The following ZNRF3 variants were observed in gnomAD, a reference collection of about 807,000 sequenced individuals.
ZNRF3 encodes the protein E3 ubiquitin-protein ligase ZNRF3.
Under a neutral mutation model 72.5 loss-of-function variants are expected in ZNRF3, and 23 were observed. The ratio of observed to expected loss-of-function variants is 0.32; its 90% confidence interval spans 0.23 to 0.45. The LOEUF (loss-of-function observed/expected upper bound fraction) is 0.45, where lower values mean the gene tolerates loss of function less well. Among genes scored for constraint, ZNRF3 ranks in the 20% least tolerant of loss-of-function variants. ZNRF3 has a pLI of 1.00. For missense variants in ZNRF3, 1,169 were observed against 1,272.1 expected, an observed-to-expected ratio of 0.92 and a Z score of 1.23; for synonymous variants, 610 against 545.3, an observed-to-expected ratio of 1.12 and a Z score of -1.65.
rs371728159 is a variant in ZNRF3, at chr22:29,043,421, C to A, written c.624C>A (p.Arg208=). 2.5e-6 allele frequency: 4 copies of A among 1,613,334 alleles called. No individual in the cohort carries two copies. In the African/African-American group the frequency reaches 5.3e-5, roughly 22 times the overall value. The change falls in exon 4 of 9, where the codon CGC becomes CGA. Residue 208 remains arginine, a synonymous_variant. Coordinates refer to ENST00000544604, the MANE Select transcript of ZNRF3 (RefSeq NM_001206998.2). The part of the protein sequence containing the change: ...QKVARARIQH[R]PPRQPTEYFD... The stretch of plus-strand genomic sequence containing the variant: ...TGGCTCGAGCAAGGATCCAGCACCG[C>A]CCTCCTCGAGTGAGCCTCCGCACCA...
At position 28,933,752 on chromosome 22, in the gene ZNRF3, A is replaced by ACTCT. The variant is rs372627987; in HGVS notation, c.300+49710_300+49713dup. On this transcript the variant is annotated intron_variant, in intron 1 of 8. Transcript: ENST00000544604. ...CCCCCACACACACACACACACACTC[A>ACTCT]CTCTCTCTCTCTCTCTCTCTCTCTC... Among the ~76,000 whole-genome samples, 64 of 40,856 alleles carry ACTCT rather than the reference A, an allele frequency of 1.6e-3. 2 individuals are homozygous for ACTCT. Among genetic ancestry groups the ACTCT allele is most frequent in the Middle Eastern group, 0.033 (2 of 60 alleles). The allele number at this position is 40,856 out of a possible 152,430, so 26.8% of individuals were successfully genotyped here.
In ZNRF3 at chr22:29,053,643, T is replaced by C. The variant is rs772178000; in HGVS notation, c.*21T>C. 13 of 1,611,010 alleles carry C rather than the reference T, an allele frequency of 8.1e-6. No individual in the cohort carries two copies. The highest frequency in any genetic ancestry group is 1.1e-5 in the Non-Finnish European group (13 of 1,178,482). ...CCTGAGCTCAGGAGGAACTCTTACC[T>C]GGAAATTGGGAACTGTATGGAGACT... is the stretch of plus-strand genomic sequence containing the variant. On this transcript the variant is annotated 3_prime_UTR_variant, in exon 9 of 9. Coordinates refer to ENST00000544604, the MANE Select transcript of ZNRF3 (RefSeq NM_001206998.2).
intron 1 of ZNRF3, among the ~76,000 whole-genome samples, chr22:28,984,123 T>A (rs2035813176): frequency 7.2e-6 from 1 of 139,340 alleles, no homozygotes; most frequent in Non-Finnish European, 1.7e-5. Context: ...TTGCTTGTTT[T>A]TTTTTTTTAA....
chr22:28,951,713 A>C (rs1437413149), intron 1 of ZNRF3, among the ~76,000 whole-genome samples: 1 of 152,152 alleles, frequency 6.6e-6, no homozygotes, highest in Non-Finnish European at 1.5e-5. Context: ...CTCACCTTGG[A>C]CCTTTGTTCT....
rs776123766 is a variant in ZNRF3 at position 29,049,792 on chromosome 22, G to C, written c.1611G>C (p.Ser537=). 2 of 1,605,926 alleles carry C rather than the reference G, an allele frequency of 1.2e-6. No homozygotes were observed. The highest frequency in any genetic ancestry group is 1.7e-6 in the Non-Finnish European group (2 of 1,175,706). ...TCAGCTGCTATCACGGCCACCGCTCGGTGTGCAGTGGCTACCTGGCCGACT... is the reference window on the plus strand; with the variant it reads ...TCAGCTGCTATCACGGCCACCGCTCCGTGTGCAGTGGCTACCTGGCCGACT... The part of the protein sequence containing the change: ...SSFSCYHGHR[S]VCSGYLADCP... The change falls in exon 8 of 9, where the codon TCG becomes TCC. Residue 537 remains serine, a synonymous_variant. Transcript: ENST00000544604. This position sits in a 1 kb window ranked among gnomAD's most constrained non-coding sequence, Gnocchi z 5.2.
Position 29,030,813 on chromosome 22 carries a change from G to A in ZNRF3, c.427-11682G>A, listed in dbSNP as rs531186664. Reference sequence around the variant, plus strand: ...TGGGGAGGAGGAGGGCTCCTGGCGCGGGGAGGAGCCGCGGGAGGGGGGATG... The same window carrying A: ...TGGGGAGGAGGAGGGCTCCTGGCGCAGGGAGGAGCCGCGGGAGGGGGGATG... On this transcript the variant is annotated intron_variant, in intron 2 of 8. Coordinates refer to ENST00000544604, the MANE Select transcript of ZNRF3 (RefSeq NM_001206998.2). The surrounding 1 kb of genome is among the most constrained non-coding windows in gnomAD (Gnocchi z 4.2). 6.6e-6 allele frequency among the ~76,000 whole-genome samples: 1 copy of A among 152,124 alleles called. No individual in the cohort carries two copies. The highest frequency in any genetic ancestry group is 1.5e-5 in the Non-Finnish European group (1 of 68,002).
In ZNRF3 at chr22:29,050,873, G is replaced by C. The variant is rs368298573; in HGVS notation, c.2692G>C (p.Gly898Arg). 3 of 1,592,212 alleles carry C rather than the reference G, an allele frequency of 1.9e-6. No individual in the cohort carries two copies. In the East Asian group the frequency reaches 6.7e-5, roughly 36 times the overall value. The change falls in exon 8 of 9, where the codon GGT becomes CGT. Residue 898 changes from glycine (G) to arginine (R), a missense_variant. Physicochemically the swap from Gly to Arg is moderately radical, Grantham distance 125. Coordinates refer to ENST00000544604, the MANE Select transcript of ZNRF3 (RefSeq NM_001206998.2). ...LRPGCPPEEA[G>R]AVRANFPSAL... is the part of the protein sequence containing the mutation. ...GCCTGGCTGCCCTCCGGAGGAGGCG[G>C]GTGCTGTCAGGGCCAACTTCCCTAG...
chr22:28,932,895 T>C (rs2034733456), intron 1 of ZNRF3, among the ~76,000 whole-genome samples: 1 of 152,252 alleles, frequency 6.6e-6, no homozygotes, highest in Admixed American at 6.5e-5. Flanking sequence ...ATGTCTTCTC[T>C]AAGAGATACT....
chr22:28,967,656 G>A (rs5762920), intron 1 of ZNRF3, among the ~76,000 whole-genome samples: 110,863 of 151,940 alleles, frequency 0.73, 43,693 homozygotes, highest in Middle Eastern at 0.89. Context: ...GCTGGGTGCG[G>A]TGGCTGATGC....
rs200750857 is a variant in ZNRF3, at chr22:29,020,762, TTTGTGTGTGTGTGG to T, written c.427-21732_427-21719del. 7.1e-3 allele frequency among the ~76,000 whole-genome samples: 458 copies of T among 64,774 alleles called. 5 individuals are homozygous for T. The highest frequency in any genetic ancestry group is 0.018 in the Admixed American group (102 of 5,802). 42.5% of individuals were successfully genotyped at this position (64,774 alleles called of 152,430 possible). A position where few individuals can be genotyped will look rare whatever the true frequency, so the allele number is the denominator to read the frequency against. On this transcript the variant is annotated intron_variant, in intron 2 of 8. Transcript: ENST00000544604. ...AGATTTCATTGAGAGGGGCTTTGTTTTTGTGTGTGTGTGGGTGTGTGTGTGTGTGTGTGTGTGTG... is the reference window on the plus strand; with the variant it reads ...AGATTTCATTGAGAGGGGCTTTGTTTGTGTGTGTGTGTGTGTGTGTGTGTG...
chr22:28,896,905 GTC>G (rs2034008456), intron 1 of ZNRF3, among the ~76,000 whole-genome samples: 1 of 152,168 alleles, frequency 6.6e-6, no homozygotes, highest in Admixed American at 6.5e-5. Context: ...CTGTTTCCCT[GTC>G]TCTCATTCTC....
intron 1 of ZNRF3, among the ~76,000 whole-genome samples, chr22:28,891,466 T>C (rs2033885888): frequency 6.6e-6 from 1 of 152,250 alleles, no homozygotes; most frequent in South Asian, 2.1e-4. Context: ...GTCAGAGCTT[T>C]TAAAAATAGC....
chr22:28,950,591 G>A (rs574344636), intron 1 of ZNRF3, among the ~76,000 whole-genome samples: 2 of 152,166 alleles, frequency 1.3e-5, no homozygotes, highest in Non-Finnish European at 2.9e-5. Context: ...CCTTGCAAAT[G>A]TGCTGTTTCC....
Position 28,986,097 on chromosome 22 carries a change from G to A in ZNRF3, c.301-979G>A, listed in dbSNP as rs148752155. On this transcript the variant is annotated intron_variant, in intron 1 of 8. Transcript: ENST00000544604. ...GCACTGGACCAACCCAGATAATTCA[G>A]TAATCTGTCCATCTCAAACTCAATC... 2.8e-4 allele frequency among the ~76,000 whole-genome samples: 43 copies of A among 152,278 alleles called. No homozygotes were observed. The East Asian group carries it at 7.1e-3, about 25-fold the overall frequency.
chr22:28,980,091 C>T (rs1351579090), intron 1 of ZNRF3, among the ~76,000 whole-genome samples: 2 of 152,068 alleles, frequency 1.3e-5, no homozygotes, highest in African/African-American at 4.8e-5. Flanking sequence ...TAATCCTTAA[C>T]GATGTCTGTA....
chr22:29,032,092 G>A (rs1488319480), intron 2 of ZNRF3, among the ~76,000 whole-genome samples: 1 of 152,212 alleles, frequency 6.6e-6, no homozygotes, highest in Non-Finnish European at 1.5e-5. Flanking sequence ...CTGGGGTTGG[G>A]CCGCTGTATG....
intron 2 of ZNRF3, among the ~76,000 whole-genome samples, chr22:29,031,966 G>C (rs2036768821): frequency 6.6e-6 from 1 of 152,180 alleles, no homozygotes; most frequent in Admixed American, 6.5e-5. Flanking sequence ...CCCAAATTAG[G>C]GCACCATTGA....
At chr22:28,952,331 C>T (rs752068567) in intron 1 of ZNRF3, among the ~76,000 whole-genome samples, 13 of 152,184 alleles carry the variant, frequency 8.5e-5, no homozygotes, top group East Asian at 1.9e-4. Flanking sequence ...CCCTTCTGGA[C>T]GGGTGCTCCA....
intron 1 of ZNRF3, among the ~76,000 whole-genome samples, chr22:28,927,331 G>C (rs750972698): frequency 6.6e-6 from 1 of 151,914 alleles, no homozygotes; most frequent in African/African-American, 2.4e-5. Flanking sequence ...CAAGGCAGGC[G>C]AATCACAAGG....
Sources: gnomAD v4.1 joint callset for allele counts (sites outside exome capture counted in the v4.1 genomes callset) on GRCh38, gnomAD v4.1.1 for gene constraint, Gnocchi (gnomAD v3.1) non-coding constraint, MANE v1.5 for transcripts, NCBI Gene and HGNC (gene_info 2026-07-23, HGNC 2026-07-21) for gene names.